Variants in C6orf132 observed in about 807,000 individuals in gnomAD.
C6orf132 encodes uncharacterized protein C6orf132.
In C6orf132, 43 loss-of-function variants were observed where a neutral mutation model predicts 65.3. That is an observed-to-expected ratio of 0.66 (90% CI 0.52 to 0.85). The LOEUF (loss-of-function observed/expected upper bound fraction) is 0.85, where lower values mean the gene tolerates loss of function less well. Ranked by LOEUF, C6orf132 falls within the 40% of genes least tolerant of loss-of-function variation. C6orf132 has a pLI of 0.00. For synonymous variants in C6orf132, 631 were observed against 654.1 expected (o/e 0.96, Z 0.54); for missense variants, 1,488 against 1,548.8 (o/e 0.96, Z 0.66).
chr6:42,108,629 G>A (rs1766450240), intron 3 of C6orf132, among the ~76,000 whole-genome samples: 1 of 152,176 alleles, frequency 6.6e-6, no homozygotes, highest in African/African-American at 2.4e-5. Context: ...GCAGATTCTG[G>A]ACTGCAGAAT....
chr6:42,141,764 G>T (rs567294853), intron 1 of C6orf132, among the ~76,000 whole-genome samples: 2 of 152,242 alleles, frequency 1.3e-5, no homozygotes, highest in East Asian at 3.9e-4. Flanking sequence ...TTTTTCCTGG[G>T]CCTCACCTAG....
chr6:42,108,554 ACTC>A (rs922332902), intron 3 of C6orf132, among the ~76,000 whole-genome samples: 4 of 151,874 alleles, frequency 2.6e-5, no homozygotes, highest in Non-Finnish European at 5.9e-5. Context: ...TGCACAAACT[ACTC>A]CTGCTTTCTA....
At chr6:42,113,943 T>C (rs1766529961) in intron 2 of C6orf132, among the ~76,000 whole-genome samples, 1 of 152,118 alleles carries the variant, frequency 6.6e-6, no homozygotes, top group African/African-American at 2.4e-5. Flanking sequence ...AGTTGAAGGA[T>C]TATATCTTGT....
chr6:42,111,989 C>A (rs1029063752), intron 2 of C6orf132, among the ~76,000 whole-genome samples: 2 of 150,370 alleles, frequency 1.3e-5, no homozygotes, highest in Admixed American at 6.6e-5. Flanking sequence ...CTATTACACC[C>A]ATCCCACATT....
chr6:42,136,718 A>C (rs749762982), intron 1 of C6orf132, among the ~76,000 whole-genome samples: 40 of 152,322 alleles, frequency 2.6e-4, no homozygotes, highest in Non-Finnish European at 4.6e-4. Context: ...GGAGCCTAAA[A>C]AGGCCAGTCT....
chr6:42,117,923 CAAAAAAAAAAAAA>C (rs556142891), intron 2 of C6orf132, among the ~76,000 whole-genome samples: 1 of 62,320 alleles, frequency 1.6e-5, no homozygotes, highest in South Asian at 8.4e-4. Context: ...AACCCTGTCA[CAAAAAAAAAAAAA>C]AAAAAAAAAA....
intron 1 of C6orf132, among the ~76,000 whole-genome samples, chr6:42,138,652 G>A (rs971376098): frequency 3.9e-5 from 6 of 152,172 alleles, no homozygotes; most frequent in Non-Finnish European, 8.8e-5. Flanking sequence ...AACGGGGTAG[G>A]AAAGAGAGTC....
At chr6:42,137,632 C>T (rs1370918335) in intron 1 of C6orf132, among the ~76,000 whole-genome samples, 3 of 152,020 alleles carry the variant, frequency 2.0e-5, no homozygotes, top group Non-Finnish European at 4.4e-5. Flanking sequence ...TACCATGTGC[C>T]CTGCAGGGAG....
chr6:42,107,323 G>T lies in C6orf132; in HGVS notation c.589C>A (p.Leu197Ile). ...APPPPPVLEA[L>I]SPPHTLSSPS... Reference sequence around the variant, plus strand: ...GAGGAAAGAGTGTGTGGTGGGGATAGGGCCTCCAATACTGGGGGTGGAGGT... The same window carrying T: ...GAGGAAAGAGTGTGTGGTGGGGATATGGCCTCCAATACTGGGGGTGGAGGT... Residue 197 changes from leucine (L) to isoleucine (I), a missense_variant, in exon 4 of 5, where the codon CTA (leucine) becomes ATA (isoleucine). Physicochemically the swap from Leu to Ile is conservative, Grantham distance 5 (BLOSUM62 2). Transcript: ENST00000341865. 1 of 1,355,154 alleles carries T rather than the reference G, an allele frequency of 7.4e-7. No homozygotes were observed. Among genetic ancestry groups the T allele is most frequent in the Non-Finnish European group, 9.8e-7 (1 of 1,025,378 alleles). 83.9% of individuals were successfully genotyped at this position (1,355,154 alleles called of 1,614,324 possible).
rs1311333373 is a variant in C6orf132, at chr6:42,106,335, C to G, written c.1577G>C (p.Gly526Ala). 5 of 1,536,512 alleles carry G rather than the reference C, an allele frequency of 3.3e-6. No homozygotes were observed. In the South Asian group the frequency reaches 4.8e-5, roughly 15 times the overall value. The change falls in exon 4 of 5, where the codon GGT (glycine) becomes GCT (alanine). Residue 526 changes from glycine (G) to alanine (A), a missense_variant. Coordinates refer to ENST00000341865, the MANE Select transcript of C6orf132 (RefSeq NM_001164446.3). ...GCCGCCAAGACTCTTTTCAGGAACACCTGGGGGAGTGTCCTTTGCTGGCAG... is the reference window on the plus strand; with the variant it reads ...GCCGCCAAGACTCTTTTCAGGAACAGCTGGGGGAGTGTCCTTTGCTGGCAG... ...LSLPAKDTPP[G>A]VPEKSLGGSS... is the part of the protein sequence containing the mutation.
intron 2 of C6orf132, among the ~76,000 whole-genome samples, chr6:42,123,453 GAA>G (rs1766718802): frequency 2.1e-5 from 2 of 95,814 alleles, no homozygotes; most frequent in Admixed American, 9.9e-5. Flanking sequence ...AGAAGGAGAA[GAA>G]GGAGAAGGAG....
chr6:42,140,595 T>C (rs1767016195), intron 1 of C6orf132, among the ~76,000 whole-genome samples: 1 of 152,174 alleles, frequency 6.6e-6, no homozygotes, highest in South Asian at 2.1e-4. Context: ...CAGATGGTGG[T>C]GATAATGGCA....
chr6:42,135,911 C>T (rs1482326012), intron 1 of C6orf132, among the ~76,000 whole-genome samples: 1 of 152,104 alleles, frequency 6.6e-6, no homozygotes, highest in Non-Finnish European at 1.5e-5. Context: ...TGACTCTAGA[C>T]TCTGATTCCC....
chr6:42,115,698 T>G (rs12111365), intron 2 of C6orf132, among the ~76,000 whole-genome samples: 28,459 of 152,054 alleles, frequency 0.19, 4,084 homozygotes, highest in African/African-American at 0.4. Flanking sequence ...AAATTTTATC[T>G]TATGTATATC....
chr6:42,128,392 C>A (rs1489748777), intron 2 of C6orf132, among the ~76,000 whole-genome samples: 1 of 152,086 alleles, frequency 6.6e-6, no homozygotes, highest in Non-Finnish European at 1.5e-5. Flanking sequence ...GGAAAATGAA[C>A]CCTGCTTGGC....
intron 2 of C6orf132, among the ~76,000 whole-genome samples, chr6:42,113,148 G>A (rs1003015328): frequency 6.6e-6 from 1 of 152,180 alleles, no homozygotes; most frequent in Admixed American, 6.5e-5. Context: ...GCAAATCACT[G>A]ACATTCTAAT....
chr6:42,126,788 A>G, intron 2 of C6orf132: 1 of 382,058 alleles, frequency 2.6e-6, no homozygotes, highest in Non-Finnish European at 4.7e-6. Context: ...GGTTGCAGGG[A>G]GCCGAGATCA....
intron 2 of C6orf132, among the ~76,000 whole-genome samples, chr6:42,123,240 G>A (rs868479801): frequency 3.2e-4 from 48 of 152,062 alleles, no homozygotes; most frequent in Admixed American, 7.9e-4. Flanking sequence ...AAAATTAGCC[G>A]GGCGTGGTGG....
chr6:42,104,322 G>C lies in C6orf132; in HGVS notation c.3449+141C>G. ...CCAACAGCGCCCTCTCCCGGTAAGTGGGCCTCCCTCCCGCGTTCTACCTGC... is the reference window on the plus strand; with the variant it reads ...CCAACAGCGCCCTCTCCCGGTAAGTCGGCCTCCCTCCCGCGTTCTACCTGC... On this transcript the variant is annotated intron_variant, in intron 4 of 4. Coordinates refer to ENST00000341865, the MANE Select transcript of C6orf132 (RefSeq NM_001164446.3). This position sits in a 1 kb window ranked among gnomAD's most constrained non-coding sequence, Gnocchi z 4.1. 1.7e-6 allele frequency: 2 copies of C among 1,210,402 alleles called. No individual in the cohort carries two copies. The highest frequency in any genetic ancestry group is 2.1e-6 in the Non-Finnish European group (2 of 971,036). 75.0% of individuals were successfully genotyped at this position (1,210,402 alleles called of 1,614,324 possible).
Sources: allele counts gnomAD v4.1 joint callset (sites outside exome capture counted in the v4.1 genomes callset), GRCh38; gene constraint gnomAD v4.1.1; non-coding constraint Gnocchi (gnomAD v3.1); transcripts MANE v1.5; gene names NCBI Gene and HGNC (gene_info 2026-07-23, HGNC 2026-07-21).